MEGF11: variants seen among roughly 807,000 people sequenced by gnomAD.
MEGF11 encodes multiple epidermal growth factor-like domains protein 11.
MEGF11 carries 126 observed loss-of-function variants against 146.6 expected under a neutral mutation model. That is an observed-to-expected ratio of 0.86 (90% CI 0.74 to 1.00). MEGF11 has a LOEUF of 1.00. Ranked by LOEUF, MEGF11 falls within the 50% of genes least tolerant of loss-of-function variation. MEGF11 has a pLI of 0.00. For missense variants in MEGF11, 1,509 were observed against 1,521.2 expected (o/e 0.99, Z 0.13); for synonymous variants, 532 against 583.4 (o/e 0.91, Z 1.27).
Position 65,898,948 on chromosome 15 carries a change from G to A in MEGF11, c.3056-14C>T. 1 of 1,613,162 alleles carries A rather than the reference G, an allele frequency of 6.2e-7. No individual in the cohort carries two copies. Among genetic ancestry groups the A allele is most frequent in the African/African-American group, 1.3e-5 (1 of 75,024 alleles). On this transcript the variant is annotated splice_polypyrimidine_tract_variant and intron_variant, in intron 24 of 25. Transcript: ENST00000395614. ...CTTTCATGTAATCTGCAAGGCAAGA[G>A]ACATTTCTTAGGACAAGCAAGAATA...
chr15:66,032,593 A>C (rs769985869), intron 5 of MEGF11, among the ~76,000 whole-genome samples: 2 of 152,246 alleles, frequency 1.3e-5, no homozygotes, highest in Non-Finnish European at 2.9e-5. Flanking sequence ...AGATGGAACT[A>C]AGAAACAAGG....
intron 5 of MEGF11, among the ~76,000 whole-genome samples, chr15:65,991,254 G>A (rs2082036034): frequency 6.6e-6 from 1 of 152,198 alleles, no homozygotes; most frequent in Admixed American, 6.5e-5. Context: ...CTAACCCCGA[G>A]AGCTTACCAG....
chr15:65,916,301 CG>C lies in MEGF11; in HGVS notation c.2216-26del, dbSNP rs776558546. The C allele has an allele frequency of 2.1e-5, 33 of 1,545,196 alleles. 1 individual carries two copies. In the South Asian group the frequency reaches 3.6e-4, roughly 17 times the overall value. On this transcript the variant is annotated intron_variant, in intron 17 of 25. Coordinates refer to ENST00000395614, the MANE Select transcript of MEGF11 (RefSeq NM_001385028.1). ...CCTAGAGAAACAGGATTTCCAGTCA[CG>C]AGAGTTGCTGCTGGGTGGGGACAAG...
Position 65,909,788 on chromosome 15 carries a change from C to A in MEGF11, c.2848G>T (p.Asp950Tyr). Residue 950 changes from aspartate (D) to tyrosine (Y), a missense_variant, in exon 22 of 26, where the codon GAC (aspartate) becomes TAC (tyrosine). Physicochemically the swap from Asp to Tyr is radical, Grantham distance 160 (BLOSUM62 -3). Coordinates refer to ENST00000395614, the MANE Select transcript of MEGF11 (RefSeq NM_001385028.1). ...SPTKLSNKSLDRDTAGWTPYS... is the reference protein window; with the variant it reads ...SPTKLSNKSLYRDTAGWTPYS... ...GGGGTCCAGCCTGCTGTGTCTCTGT[C>A]AAGGGACTTGTTACTGAGCTGTTTG... The A allele has an allele frequency of 6.3e-7, 1 of 1,582,950 alleles. No individual in the cohort carries two copies. The highest frequency in any genetic ancestry group is 8.5e-7 in the Non-Finnish European group (1 of 1,172,178).
intron 1 of MEGF11, among the ~76,000 whole-genome samples, chr15:66,234,060 G>A (rs540671554): frequency 1.8e-4 from 27 of 147,042 alleles, no homozygotes; most frequent in African/African-American, 5.3e-4. Flanking sequence ...CTCAGCCTCC[G>A]GCTGATTTCT....
chr15:66,195,983 T>C (rs1480981583), intron 1 of MEGF11, among the ~76,000 whole-genome samples: 4 of 151,670 alleles, frequency 2.6e-5, no homozygotes, highest in Non-Finnish European at 5.9e-5. Flanking sequence ...CGAGTAGGAG[T>C]TAACCAGAGC....
At chr15:66,049,096 G>A (rs1277085049) in intron 5 of MEGF11, among the ~76,000 whole-genome samples, 1 of 152,136 alleles carries the variant, frequency 6.6e-6, no homozygotes, top group African/African-American at 2.4e-5. Context: ...GCATCCCTCA[G>A]CCCCGCAAAG....
At chr15:65,913,700 A>T in intron 20 of MEGF11, 37 bp downstream of exon 20, 1 of 1,539,606 alleles carries the variant, frequency 6.5e-7, no homozygotes, top group Non-Finnish European at 8.9e-7. Flanking sequence ...GTGTGTGTGG[A>T]GGGGAAGAGG....
chr15:66,081,069 A>G (rs1238619980), intron 5 of MEGF11, among the ~76,000 whole-genome samples: 1 of 152,230 alleles, frequency 6.6e-6, no homozygotes, highest in Non-Finnish European at 1.5e-5. Context: ...CACTGCACGC[A>G]TGAGCTATAC....
chr15:66,046,388 A>C (rs1487511164), intron 5 of MEGF11, among the ~76,000 whole-genome samples: 1 of 152,246 alleles, frequency 6.6e-6, no homozygotes, highest in Non-Finnish European at 1.5e-5. Context: ...CCCAGACTCC[A>C]GAAGTGTAGG....
At chr15:66,200,062 A>G (rs2091113213) in intron 1 of MEGF11, among the ~76,000 whole-genome samples, 1 of 152,264 alleles carries the variant, frequency 6.6e-6, no homozygotes, top group African/African-American at 2.4e-5. Context: ...TATACGGTAT[A>G]ACCTCAACTA....
chr15:66,178,011 T>TC (rs1219798108), intron 1 of MEGF11, among the ~76,000 whole-genome samples: 2 of 151,876 alleles, frequency 1.3e-5, no homozygotes, highest in Non-Finnish European at 2.9e-5. Context: ...TGATTCAGGG[T>TC]CTCACTCTAT....
At chr15:66,172,186 C>G (rs1461861217) in intron 1 of MEGF11, among the ~76,000 whole-genome samples, 2 of 152,192 alleles carry the variant, frequency 1.3e-5, no homozygotes, top group African/African-American at 4.8e-5. Context: ...AGGAGAATGA[C>G]CACCACCTTT....
chr15:66,110,320 C>A (rs114228904), intron 4 of MEGF11, among the ~76,000 whole-genome samples: 3 of 152,156 alleles, frequency 2.0e-5, no homozygotes, highest in Non-Finnish European at 4.4e-5. Context: ...GTTAAGCATC[C>A]GTATTTATGA....
chr15:66,040,946 G>C (rs926491325), intron 5 of MEGF11, among the ~76,000 whole-genome samples: 104 of 148,660 alleles, frequency 7.0e-4, no homozygotes, highest in Non-Finnish European at 1.2e-3. Flanking sequence ...TTTTCACAAA[G>C]AGGCCACTTA....
intron 10 of MEGF11, among the ~76,000 whole-genome samples, chr15:65,953,893 A>T (rs1055625195): frequency 6.6e-6 from 1 of 152,068 alleles, no homozygotes; most frequent in Non-Finnish European, 1.5e-5. Context: ...CCTCACGTTT[A>T]TGTTGAGCCC....
intron 1 of MEGF11, among the ~76,000 whole-genome samples, chr15:66,202,514 T>G (rs2091189390): frequency 6.6e-6 from 1 of 152,186 alleles, no homozygotes; most frequent in African/African-American, 2.4e-5. Context: ...CCTGGCAGTC[T>G]GCTCTTCAGT....
intron 5 of MEGF11, among the ~76,000 whole-genome samples, chr15:66,057,411 C>T (rs898080417): frequency 1.3e-5 from 2 of 152,048 alleles, no homozygotes; most frequent in East Asian, 3.9e-4. Context: ...CAAGTTAATT[C>T]GTCACTGTTT....
chr15:66,244,860 T>C (rs1010594729), intron 1 of MEGF11, among the ~76,000 whole-genome samples: 2 of 152,168 alleles, frequency 1.3e-5, no homozygotes, highest in Admixed American at 1.3e-4. Context: ...TGCTGTGTGC[T>C]TGCTGGCCAC....
Sources: allele counts gnomAD v4.1 joint callset (sites outside exome capture counted in the v4.1 genomes callset), GRCh38; gene constraint gnomAD v4.1.1; transcripts MANE v1.5; gene names NCBI Gene and HGNC (gene_info 2026-07-23, HGNC 2026-07-21).